Variants in LRRC4C observed in about 807,000 individuals in gnomAD.
LRRC4C encodes the protein leucine rich repeat containing 4C.
In LRRC4C, 5 loss-of-function variants were observed where a neutral mutation model predicts 33.6. That is an observed-to-expected ratio of 0.15 (90% CI 0.08 to 0.31). The LOEUF (loss-of-function observed/expected upper bound fraction) is 0.31, where lower values mean the gene tolerates loss of function less well. Ranked by LOEUF, LRRC4C falls within the 10% of genes least tolerant of loss-of-function variation. LRRC4C has a pLI of 1.00. For synonymous variants in LRRC4C, 329 were observed against 302.0 expected (o/e 1.09, Z -0.93); for missense variants, 560 against 796.7 (o/e 0.70, Z 3.58).
At chr11:40,971,106 GAGA>G (rs1455384200) in intron 1 of LRRC4C, among the ~76,000 whole-genome samples, 2 of 152,200 alleles carry the variant, frequency 1.3e-5, no homozygotes, top group East Asian at 3.9e-4. Flanking sequence ...TCAGTTTCTG[GAGA>G]AGAATTCAAG....
intron 5 of LRRC4C, among the ~76,000 whole-genome samples, chr11:40,201,773 A>T (rs1215680164): frequency 6.6e-6 from 1 of 152,198 alleles, no homozygotes; most frequent in Non-Finnish European, 1.5e-5. Context: ...TTGTCTCCAC[A>T]GCTACATGGG....
intron 2 of LRRC4C, among the ~76,000 whole-genome samples, chr11:40,773,423 G>A (rs923644239): frequency 7.2e-5 from 11 of 152,032 alleles, no homozygotes; most frequent in African/African-American, 2.7e-4. Context: ...ATACACTGTT[G>A]TGATTATTAT....
chr11:41,051,129 C>A (rs1374812285), intron 1 of LRRC4C, among the ~76,000 whole-genome samples: 1 of 152,060 alleles, frequency 6.6e-6, no homozygotes, highest in South Asian at 2.1e-4. Flanking sequence ...AAGTTTAAGA[C>A]CCTGGTTTCA....
At chr11:41,103,970 A>T (rs987166320) in intron 1 of LRRC4C, among the ~76,000 whole-genome samples, 3 of 151,934 alleles carry the variant, frequency 2.0e-5, no homozygotes, top group African/African-American at 7.2e-5. Context: ...ACTATATATA[A>T]ACATTAAATC....
intron 2 of LRRC4C, among the ~76,000 whole-genome samples, chr11:40,791,254 C>T (rs1190023112): frequency 6.6e-6 from 1 of 152,134 alleles, no homozygotes; most frequent in African/African-American, 2.4e-5. Context: ...TATGGTGTTG[C>T]AAATAAACTC....
intron 2 of LRRC4C, among the ~76,000 whole-genome samples, chr11:40,912,570 T>G (rs1314755565): frequency 3.3e-5 from 5 of 152,178 alleles, no homozygotes; most frequent in Admixed American, 6.5e-5. Context: ...AAGGAACAAC[T>G]GGTACCAGCC....
chr11:40,410,130 GC>G (rs1950104850), intron 3 of LRRC4C, among the ~76,000 whole-genome samples: 1 of 151,700 alleles, frequency 6.6e-6, no homozygotes, highest in South Asian at 2.1e-4. Flanking sequence ...GAGACATCTA[GC>G]TCTTTACAGA....
intron 3 of LRRC4C, among the ~76,000 whole-genome samples, chr11:40,487,741 C>T (rs1202386825): frequency 1.3e-5 from 2 of 151,986 alleles, no homozygotes; most frequent in Admixed American, 6.6e-5. Flanking sequence ...TTTATATAAT[C>T]GTTAAACTGT....
At chr11:41,304,612 G>T (rs1950415658) in intron 1 of LRRC4C, among the ~76,000 whole-genome samples, 3 of 115,742 alleles carry the variant, frequency 2.6e-5, no homozygotes, top group Non-Finnish European at 3.6e-5. Flanking sequence ...GCCCCGTCTG[G>T]GAGGGAGGTG....
At chr11:41,351,952 A>C (rs1325182710) in intron 1 of LRRC4C, among the ~76,000 whole-genome samples, 4 of 152,192 alleles carry the variant, frequency 2.6e-5, no homozygotes, top group Non-Finnish European at 4.4e-5. Context: ...ACTGACACTA[A>C]AAAGCAACTG....
chr11:40,682,027 C>G (rs187514985), intron 2 of LRRC4C, among the ~76,000 whole-genome samples: 2 of 152,158 alleles, frequency 1.3e-5, no homozygotes, highest in Admixed American at 1.3e-4. Context: ...GCTCCAGGCT[C>G]TCACAAATCT....
intron 5 of LRRC4C, among the ~76,000 whole-genome samples, chr11:40,239,376 C>A (rs1309854834): frequency 6.6e-6 from 1 of 152,054 alleles, no homozygotes; most frequent in Non-Finnish European, 1.5e-5. Context: ...ACTTTGTAAC[C>A]TACTAACCAG....
At chr11:40,741,553 C>T (rs1948157865) in intron 2 of LRRC4C, among the ~76,000 whole-genome samples, 1 of 151,980 alleles carries the variant, frequency 6.6e-6, no homozygotes, top group African/African-American at 2.4e-5. Flanking sequence ...TAGACACATG[C>T]CTCCCTAACT....
intron 2 of LRRC4C, among the ~76,000 whole-genome samples, chr11:40,652,051 A>C (rs1565600945): frequency 6.6e-6 from 1 of 152,160 alleles, no homozygotes; most frequent in East Asian, 1.9e-4. Flanking sequence ...ATATTATTGA[A>C]TATTTTACAG....
intron 1 of LRRC4C, among the ~76,000 whole-genome samples, chr11:41,347,813 T>C (rs182348312): frequency 8.3e-4 from 126 of 152,278 alleles, no homozygotes; most frequent in African/African-American, 3.0e-3. Flanking sequence ...ATTTGCAATA[T>C]CTTGGAATCA....
intron 3 of LRRC4C, among the ~76,000 whole-genome samples, chr11:40,556,125 A>G (rs1334261234): frequency 6.6e-6 from 1 of 152,220 alleles, no homozygotes; most frequent in African/African-American, 2.4e-5. Flanking sequence ...ATGTTTCCAA[A>G]GAAAACAATA....
At chr11:41,304,691 CGG>C (rs1950420897) in intron 1 of LRRC4C, among the ~76,000 whole-genome samples, 1 of 65,900 alleles carries the variant, frequency 1.5e-5, no homozygotes, top group Admixed American at 1.9e-4. Flanking sequence ...GCCCCCCGCC[CGG>C]CCAGCCACCC....
At chr11:40,886,309 A>C (rs1355335268) in intron 2 of LRRC4C, among the ~76,000 whole-genome samples, 2 of 151,758 alleles carry the variant, frequency 1.3e-5, no homozygotes, top group Non-Finnish European at 2.9e-5. Context: ...AAATAACCTG[A>C]ATATCTACTT....
intron 1 of LRRC4C, among the ~76,000 whole-genome samples, chr11:41,094,504 A>G (rs1341340184): frequency 6.6e-6 from 1 of 152,196 alleles, no homozygotes; most frequent in African/African-American, 2.4e-5. Context: ...AGCCTGGACA[A>G]CACAGCGAGA....
Sources: allele counts gnomAD v4.1 joint callset (sites outside exome capture counted in the v4.1 genomes callset), GRCh38; gene constraint gnomAD v4.1.1; transcripts MANE v1.5; gene names NCBI Gene and HGNC (gene_info 2026-07-23, HGNC 2026-07-21).